Variants in FANCL observed in about 807,000 individuals in gnomAD.
FANCL encodes the protein FA complementation group L.
A neutral mutation model predicts 59.4 loss-of-function variants in FANCL; 69 were observed. That is an observed-to-expected ratio of 1.16 (90% CI 0.96 to 1.42). The LOEUF (loss-of-function observed/expected upper bound fraction) is 1.42. Among genes scored for constraint, FANCL ranks in the 40% most tolerant of loss-of-function variants. The pLI, the probability that FANCL is intolerant of heterozygous loss-of-function variation, is 0.00. For synonymous variants in FANCL, 180 were observed against 147.1 expected (o/e 1.22, Z -1.62); for missense variants, 519 against 447.2 (o/e 1.16, Z -1.45).
At chr2:58,195,734 CAAT>C (rs1257279968) in intron 7 of FANCL, among the ~76,000 whole-genome samples, 1 of 151,842 alleles carries the variant, frequency 6.6e-6, no homozygotes, top group Non-Finnish European at 1.5e-5. Context: ...GCTATGGACA[CAAT>C]AATAACTATA....
chr2:58,228,008 C>G (rs1449709053), intron 3 of FANCL, among the ~76,000 whole-genome samples: 1 of 151,902 alleles, frequency 6.6e-6, no homozygotes, highest in Non-Finnish European at 1.5e-5. Flanking sequence ...TCAGGCAACT[C>G]TATGTAATTT....
intron 7 of FANCL, among the ~76,000 whole-genome samples, chr2:58,187,358 T>G (rs1464272268): frequency 7.4e-6 from 1 of 134,688 alleles, no homozygotes; most frequent in Non-Finnish European, 1.5e-5. Context: ...AGGTGAGAAC[T>G]GAACAATGAG....
At chr2:58,167,949 C>T (rs1486169587) in intron 7 of FANCL, among the ~76,000 whole-genome samples, 1 of 151,934 alleles carries the variant, frequency 6.6e-6, no homozygotes, top group Non-Finnish European at 1.5e-5. Flanking sequence ...TCACTAAAAA[C>T]CCTTATTTTG....
intron 2 of FANCL, 104 bp downstream of exon 2, chr2:58,231,950 G>T: frequency 2.2e-6 from 2 of 905,704 alleles, no homozygotes; most frequent in Non-Finnish European, 3.6e-6. Context: ...TGACTAATAA[G>T]CATTTTAGGC....
intron 5 of FANCL, among the ~76,000 whole-genome samples, chr2:58,221,170 A>G (rs929514881): frequency 1.3e-5 from 2 of 152,102 alleles, no homozygotes; most frequent in African/African-American, 4.8e-5. Context: ...CCTAGGCAAC[A>G]GAGCGAGACT....
At chr2:58,236,276 A>G (rs919798733) in intron 1 of FANCL, among the ~76,000 whole-genome samples, 2 of 152,048 alleles carry the variant, frequency 1.3e-5, no homozygotes, top group Non-Finnish European at 1.5e-5. Context: ...CAGAGAAACA[A>G]AGAAAAGAGC....
At chr2:58,224,258 T>C (rs1692754849) in intron 4 of FANCL, among the ~76,000 whole-genome samples, 1 of 151,834 alleles carries the variant, frequency 6.6e-6, no homozygotes, top group Non-Finnish European at 1.5e-5. Flanking sequence ...TCTCTCCTTG[T>C]ATTTGTATTG....
rs372907056 is a variant in FANCL at position 58,210,426 on chromosome 2, C to A, written c.375-6200G>T. On this transcript the variant is annotated intron_variant, in intron 5 of 13. Coordinates refer to ENST00000233741, the MANE Select transcript of FANCL (RefSeq NM_018062.4). ...CAATATGGGGGAAACCGCCCTCCCA[C>A]AACACATGAGAACTGTGGGAGTACA... Among the ~76,000 whole-genome samples, 166 of 152,256 alleles carry A rather than the reference C, an allele frequency of 1.1e-3. 3 individuals carry two copies. Among genetic ancestry groups the A allele is most frequent in the African/African-American group, 3.8e-3 (158 of 41,542 alleles).
intron 7 of FANCL, among the ~76,000 whole-genome samples, chr2:58,187,695 C>T (rs1266782082): frequency 6.6e-6 from 1 of 151,964 alleles, no homozygotes; most frequent in East Asian, 1.9e-4. Flanking sequence ...ATTTTGAAAA[C>T]TTTTTACACA....
chr2:58,219,171 AATATATAT>A (rs869094167), intron 5 of FANCL, among the ~76,000 whole-genome samples: 411 of 19,234 alleles, frequency 0.021, 24 homozygotes, highest in African/African-American at 0.087. Flanking sequence ...AAAAAAAAAA[AATATATAT>A]ATATATATAT....
intron 7 of FANCL, among the ~76,000 whole-genome samples, chr2:58,188,099 T>C (rs1371968330): frequency 6.6e-6 from 1 of 152,202 alleles, no homozygotes; most frequent in Non-Finnish European, 1.5e-5. Flanking sequence ...TTTTTGTATA[T>C]GGATCGATGA....
At chr2:58,239,016 T>C (rs1694273855) in intron 1 of FANCL, among the ~76,000 whole-genome samples, 1 of 152,190 alleles carries the variant, frequency 6.6e-6, no homozygotes, top group African/African-American at 2.4e-5. Flanking sequence ...CATTCTAATA[T>C]AATTAAATAA....
intron 7 of FANCL, among the ~76,000 whole-genome samples, chr2:58,180,547 G>C (rs975906955): frequency 2.0e-5 from 3 of 152,004 alleles, no homozygotes; most frequent in African/African-American, 4.8e-5. Flanking sequence ...TCACACACCA[G>C]GGCCTGTCGG....
chr2:58,221,268 C>T (rs1166097607), intron 5 of FANCL, among the ~76,000 whole-genome samples: 1 of 151,688 alleles, frequency 6.6e-6, no homozygotes, highest in Non-Finnish European at 1.5e-5. Context: ...TTATAATACA[C>T]TTAATAATAA....
chr2:58,186,553 C>T (rs907022475), intron 7 of FANCL, among the ~76,000 whole-genome samples: 3 of 152,194 alleles, frequency 2.0e-5, no homozygotes, highest in Non-Finnish European at 2.9e-5. Context: ...GCTATGTAAG[C>T]AGCTGTAGAA....
chr2:58,204,381 T>C (rs528996529), intron 5 of FANCL, among the ~76,000 whole-genome samples, 155 bp from the exon 6 acceptor site: 1 of 152,148 alleles, frequency 6.6e-6, no homozygotes, highest in Non-Finnish European at 1.5e-5. Context: ...TTTCTGCTGC[T>C]ATAGATTTAC....
chr2:58,230,070 T>A (rs548586619), intron 2 of FANCL, among the ~76,000 whole-genome samples, 196 bp from the exon 3 acceptor site: 16 of 152,348 alleles, frequency 1.1e-4, no homozygotes, highest in African/African-American at 3.8e-4. Context: ...AAAATATAAA[T>A]AACTGCAATC....
intron 4 of FANCL, among the ~76,000 whole-genome samples, chr2:58,226,459 A>T (rs1049293143): frequency 1.3e-5 from 2 of 152,146 alleles, no homozygotes; most frequent in Non-Finnish European, 1.5e-5. Context: ...ATAGGCCAGG[A>T]GTACATTTTA....
At position 58,186,259 on chromosome 2, in the gene FANCL, C is replaced by T. The variant is rs542586650; in HGVS notation, c.540+12335G>A. 4.4e-4 allele frequency among the ~76,000 whole-genome samples: 67 copies of T among 152,174 alleles called. No individual in the cohort carries two copies. In the South Asian group the frequency reaches 9.1e-3, roughly 21 times the overall value. On this transcript the variant is annotated intron_variant, in intron 7 of 13. Coordinates refer to ENST00000233741, the MANE Select transcript of FANCL (RefSeq NM_018062.4). ...AAAAATAAGTCAAATAATCAAAAAG[C>T]AAACATCAGAATTTTCTTTAAGAAG...
Sources: allele counts gnomAD v4.1 joint callset (sites outside exome capture counted in the v4.1 genomes callset), GRCh38; gene constraint gnomAD v4.1.1; transcripts MANE v1.5; gene names NCBI Gene and HGNC (gene_info 2026-07-23, HGNC 2026-07-21).